Variants in CSNK2A1 observed in about 807,000 individuals in gnomAD.
CSNK2A1 encodes the protein casein kinase 2 alpha 1, also known as casein kinase II subunit alpha.
A neutral mutation model predicts 62.9 loss-of-function variants in CSNK2A1; 10 were observed. That is an observed-to-expected ratio of 0.16 (90% CI 0.10 to 0.27). The LOEUF (loss-of-function observed/expected upper bound fraction) is 0.27. CSNK2A1 is among the 10% of genes least tolerant of loss of function. The pLI is 1.00. For synonymous variants in CSNK2A1, 124 were observed against 167.8 expected (o/e 0.74, Z 2.02); for missense variants, 160 against 492.0 (o/e 0.33, Z 6.38).
chr20:493,098 T>C (rs2122523965), intron 8 of CSNK2A1, among the ~76,000 whole-genome samples: 1 of 152,286 alleles, frequency 6.6e-6, no homozygotes, highest in Middle Eastern at 3.4e-3. Context: ...AAACCTTTGA[T>C]TACTCCCTGC....
Position 474,851 on chromosome 20 carries a change from T to A in CSNK2A1, c.*9110A>T, listed in dbSNP as rs1029183495. On this transcript the variant is annotated 3_prime_UTR_variant, in exon 14 of 14. Coordinates refer to ENST00000217244, the MANE Select transcript of CSNK2A1 (RefSeq NM_177559.3). ...ACAGCTGAACCAGCAGTATGATATTTAGTTTTCCCTCCTTTCATAACTTTT... is the reference window on the plus strand; with the variant it reads ...ACAGCTGAACCAGCAGTATGATATTAAGTTTTCCCTCCTTTCATAACTTTT... The A allele has an allele frequency of 2.6e-5, 4 of 152,262 alleles. No individual in the cohort carries two copies. The highest frequency in any genetic ancestry group is 1.3e-4 in the Admixed American group (2 of 15,284). 9.4% of individuals were successfully genotyped at this position (152,262 alleles called of 1,614,324 possible).
At chr20:495,391 T>C (rs1272724249) in intron 8 of CSNK2A1, 1 of 278,706 alleles carries the variant, frequency 3.6e-6, no homozygotes, top group Non-Finnish European at 7.0e-6. Context: ...TTACCCACAC[T>C]GTACACGTAA....
rs1165461433 is a variant in CSNK2A1, at chr20:482,248, G to A, written c.*1713C>T. ...TTTTAGGCCTTAAAATATGTTGGAA[G>A]AATTTTTCCTAGTTCCCACAAGCAG... On this transcript the variant is annotated 3_prime_UTR_variant, in exon 14 of 14. Coordinates refer to ENST00000217244, the MANE Select transcript of CSNK2A1 (RefSeq NM_177559.3). 6.6e-6 allele frequency: 1 copy of A among 152,178 alleles called. No homozygotes were observed. Among genetic ancestry groups the A allele is most frequent in the Admixed American group, 6.5e-5 (1 of 15,278 alleles). 9.4% of individuals were successfully genotyped at this position (152,178 alleles called of 1,614,324 possible).
Position 478,740 on chromosome 20 carries a change from C to T in CSNK2A1, c.*5221G>A. The T allele has an allele frequency of 4.2e-6, 1 of 235,886 alleles. No homozygotes were observed. Among genetic ancestry groups the T allele is most frequent in the Non-Finnish European group, 8.3e-6 (1 of 120,560 alleles). The allele number at this position is 235,886 out of a possible 1,614,324, so 14.6% of individuals were successfully genotyped here. A position where few individuals can be genotyped will look rare whatever the true frequency, so the allele number is the denominator to read the frequency against. On this transcript the variant is annotated 3_prime_UTR_variant, in exon 14 of 14. Coordinates refer to ENST00000217244, the MANE Select transcript of CSNK2A1 (RefSeq NM_177559.3). ...CTCAGGAGTTCAAGACCAGCCTGGG[C>T]AACACGGCAAAACTTCATCTCTACC...
chr20:487,374 T>C, intron 12 of CSNK2A1, 53 bp downstream of exon 12: 1 of 1,610,250 alleles, frequency 6.2e-7, no homozygotes, highest in Middle Eastern at 2.2e-4. Context: ...ACGACTCTGT[T>C]CTATAGGACT....
chr20:487,063 T>C (rs2018115995), intron 12 of CSNK2A1: 2 of 228,324 alleles, frequency 8.8e-6, no homozygotes, highest in African/African-American at 4.5e-5. Flanking sequence ...TAAGTCAAGG[T>C]GTTCATACAA....
At chr20:500,163 C>G in intron 4 of CSNK2A1, 1 of 490,216 alleles carries the variant, frequency 2.0e-6, no homozygotes. Context: ...TTCCAAAGAC[C>G]AGACACTTCT....
At chr20:503,558 C>A (rs2018512888) in intron 4 of CSNK2A1, 2 of 398,620 alleles carry the variant, frequency 5.0e-6, no homozygotes, top group Non-Finnish European at 8.8e-6. Flanking sequence ...ACACTGGGTG[C>A]ACTGCCAGCT....
In CSNK2A1 at chr20:476,939, G is replaced by A. The variant is rs1055648055; in HGVS notation, c.*7022C>T. ...AGGGTCTCACTCTGTTGCTCAGTCT[G>A]GGGTGCAGTGGCACTATCATAGCTC... On this transcript the variant is annotated 3_prime_UTR_variant, in exon 14 of 14. Transcript: ENST00000217244. 1 of 152,310 alleles carries A rather than the reference G, an allele frequency of 6.6e-6. No homozygotes were observed. The highest frequency in any genetic ancestry group is 2.4e-5 in the African/African-American group (1 of 41,398). 9.4% of individuals were successfully genotyped at this position (152,310 alleles called of 1,614,324 possible).
intron 8 of CSNK2A1, chr20:495,467 G>A: frequency 2.4e-6 from 1 of 414,546 alleles, no homozygotes; most frequent in South Asian, 2.8e-5. Flanking sequence ...AATAAGGCGA[G>A]AAGCCACGTT....
chr20:530,750 C>T (rs563149172), intron 1 of CSNK2A1, among the ~76,000 whole-genome samples: 4 of 152,266 alleles, frequency 2.6e-5, no homozygotes, highest in African/African-American at 4.8e-5. Context: ...GTTGGGACTA[C>T]AGTATGAGCC....
intron 3 of CSNK2A1, chr20:507,151 AC>A (rs1178044975): frequency 6.6e-6 from 1 of 152,118 alleles, no homozygotes; most frequent in African/African-American, 2.4e-5. Flanking sequence ...AATCCCAGCT[AC>A]TCGAGAGGCT....
At chr20:488,629 T>C (rs2018151474) in intron 11 of CSNK2A1, 49 bp downstream of exon 11, 10 of 1,575,320 alleles carry the variant, frequency 6.3e-6, no homozygotes, top group Non-Finnish European at 8.7e-6. Context: ...GCCAGTTCAC[T>C]CTCAAAGTGC....
chr20:496,123 C>A, intron 7 of CSNK2A1: 1 of 247,554 alleles, frequency 4.0e-6, no homozygotes, highest in Non-Finnish European at 8.0e-6. Context: ...CCACAGACCC[C>A]TCAAAGAAAG....
chr20:487,008 T>C (rs1458533322), intron 12 of CSNK2A1: 1 of 193,848 alleles, frequency 5.2e-6, no homozygotes, highest in Non-Finnish European at 1.1e-5. Flanking sequence ...TGGGTCTCAG[T>C]GGTATTTTCA....
chr20:536,416 A>G (rs2019325311), intron 1 of CSNK2A1, among the ~76,000 whole-genome samples: 1 of 152,234 alleles, frequency 6.6e-6, no homozygotes, highest in South Asian at 2.1e-4. Context: ...AATACTAGCT[A>G]GTACTCTAGT....
chr20:522,527 G>T (rs188281522), intron 2 of CSNK2A1, among the ~76,000 whole-genome samples: 3 of 152,280 alleles, frequency 2.0e-5, no homozygotes, highest in Admixed American at 2.0e-4. Flanking sequence ...ATTAAAGACA[G>T]ACTAAGAAGC....
chr20:486,354 G>GA, intron 13 of CSNK2A1, 22 bp downstream of exon 13: 1 of 1,612,030 alleles, frequency 6.2e-7, no homozygotes, highest in Non-Finnish European at 8.5e-7. Context: ...TTTTTTTAAA[G>GA]AAAATTTACC....
rs576290757 is a variant in CSNK2A1, at chr20:511,630, T to C, written c.-109-2970A>G. Among the ~76,000 whole-genome samples the C allele has an allele frequency of 1.8e-4, 28 of 152,280 alleles. No individual in the cohort carries two copies. In the South Asian group the frequency reaches 5.4e-3, roughly 29 times the overall value. On this transcript the variant is annotated intron_variant, in intron 2 of 13. Transcript: ENST00000217244. Reference sequence around the variant, plus strand: ...TAATTTAGCATAATGTCTTCAAGGCTGATCCATGTTGTAGCATGTGTTAGA... The same window carrying C: ...TAATTTAGCATAATGTCTTCAAGGCCGATCCATGTTGTAGCATGTGTTAGA...
Sources: allele counts gnomAD v4.1 joint callset (sites outside exome capture counted in the v4.1 genomes callset), GRCh38; gene constraint gnomAD v4.1.1; transcripts MANE v1.5; gene names NCBI Gene and HGNC (gene_info 2026-07-23, HGNC 2026-07-21).